Variants in ULK4 observed in about 807,000 individuals in gnomAD.
ULK4 encodes unc-51 like kinase 4, also known as inactive serine/threonine-protein kinase ULK4.
ULK4 carries 133 observed loss-of-function variants against 160.6 expected under a neutral mutation model. The ratio of observed to expected loss-of-function variants is 0.83; its 90% CI spans 0.72 to 0.96. The LOEUF is 0.96. ULK4 is among the 40% of genes least tolerant of loss of function. ULK4 has a pLI of 0.00. For missense variants in ULK4, 1,580 were observed against 1,499.5 expected (o/e 1.05, Z -0.89); for synonymous variants, 534 against 539.8 (o/e 0.99, Z 0.15).
intron 32 of ULK4, among the ~76,000 whole-genome samples, chr3:41,542,481 CT>C (rs1559380435): frequency 6.6e-6 from 1 of 151,980 alleles, no homozygotes; most frequent in Non-Finnish European, 1.5e-5. Flanking sequence ...CTGAAATTTT[CT>C]TTTTTTGTTT....
intron 17 of ULK4, among the ~76,000 whole-genome samples, chr3:41,879,592 G>C (rs1285575322): frequency 1.3e-5 from 2 of 151,922 alleles, no homozygotes; most frequent in Non-Finnish European, 2.9e-5. Context: ...ACCTCCCAGG[G>C]TCATGTCTCA....
At chr3:41,463,281 ACCT>A (rs2083739739) in intron 32 of ULK4, 28 bp from the exon 33 acceptor site, 1 of 1,601,558 alleles carries the variant, frequency 6.2e-7, no homozygotes, top group South Asian at 1.1e-5. Flanking sequence ...AAAGAAAAAA[ACCT>A]CATCATTAAG....
At chr3:41,699,839 CCAGT>C (rs1452701513) in intron 27 of ULK4, among the ~76,000 whole-genome samples, 2 of 152,070 alleles carry the variant, frequency 1.3e-5, no homozygotes, top group Admixed American at 1.3e-4. Flanking sequence ...TTTTATGAAG[CCAGT>C]AAGTTGCAAT....
At chr3:41,335,808 TAA>T (rs1228865120) in intron 35 of ULK4, among the ~76,000 whole-genome samples, 3 of 152,162 alleles carry the variant, frequency 2.0e-5, no homozygotes, top group Non-Finnish European at 1.5e-5. Flanking sequence ...TTTAGATATT[TAA>T]AAGAGTCCAT....
chr3:41,491,944 A>C (rs1310413513), intron 32 of ULK4, among the ~76,000 whole-genome samples: 1 of 138,854 alleles, frequency 7.2e-6, no homozygotes, highest in Non-Finnish European at 1.5e-5. Context: ...ATGTGTTCTC[A>C]TTGTTCAATT....
At chr3:41,557,825 A>G (rs2087357838) in intron 32 of ULK4, among the ~76,000 whole-genome samples, 1 of 152,054 alleles carries the variant, frequency 6.6e-6, no homozygotes, top group African/African-American at 2.4e-5. Context: ...TAATGGTGGA[A>G]AAGTCCTCAT....
intron 35 of ULK4, among the ~76,000 whole-genome samples, chr3:41,297,694 A>T (rs867191909): frequency 4.6e-5 from 7 of 152,176 alleles, no homozygotes; most frequent in Admixed American, 2.6e-4. Flanking sequence ...AATGAATACA[A>T]CTAGCTGATT....
In ULK4 at chr3:41,826,668, A is replaced by G. The variant is rs528284229; in HGVS notation, c.1765-7162T>C. Among the ~76,000 whole-genome samples the G allele has an allele frequency of 4.7e-5, 7 of 149,772 alleles. 1 individual carries two copies. The South Asian group carries it at 1.1e-3, about 23-fold the overall frequency. On this transcript the variant is annotated intron_variant, in intron 18 of 36. Transcript: ENST00000301831. ...ACCCAGATTCATAAAGCAAGTCCTT[A>G]GAGACCTACAAAGAGACTTAGACTC... is the stretch of plus-strand genomic sequence containing the variant.
intron 17 of ULK4, among the ~76,000 whole-genome samples, chr3:41,842,147 AAAAAAAG>A (rs2041943983): frequency 6.6e-6 from 1 of 151,348 alleles, no homozygotes; most frequent in Non-Finnish European, 1.5e-5. Flanking sequence ...TACAAAAAAA[AAAAAAAG>A]AAAATAACGC....
At chr3:41,623,736 G>A (rs996524267) in intron 30 of ULK4, among the ~76,000 whole-genome samples, 1 of 152,116 alleles carries the variant, frequency 6.6e-6, no homozygotes, top group African/African-American at 2.4e-5. Context: ...ATAAATCAAA[G>A]GGTATAAAGT....
chr3:41,554,032 T>A (rs899567961), intron 32 of ULK4, among the ~76,000 whole-genome samples: 2 of 152,194 alleles, frequency 1.3e-5, no homozygotes, highest in African/African-American at 4.8e-5. Flanking sequence ...TCTATCTCCA[T>A]AAGTTCAATT....
At chr3:41,422,758 A>C (rs943082423) in intron 34 of ULK4, among the ~76,000 whole-genome samples, 2 of 152,188 alleles carry the variant, frequency 1.3e-5, no homozygotes, top group Non-Finnish European at 2.9e-5. Flanking sequence ...AACTGTTAGA[A>C]TCTTTTGAGA....
chr3:41,844,179 C>T (rs1458301459), intron 17 of ULK4, among the ~76,000 whole-genome samples: 1 of 152,182 alleles, frequency 6.6e-6, no homozygotes, highest in African/African-American at 2.4e-5. Context: ...CACTCCTCAG[C>T]CCTTGGGTGG....
At chr3:41,832,720 G>A (rs1166078072) in intron 18 of ULK4, among the ~76,000 whole-genome samples, 1 of 152,140 alleles carries the variant, frequency 6.6e-6, no homozygotes. Context: ...TTTTGTATAA[G>A]GTGCAAGGAA....
intron 31 of ULK4, among the ~76,000 whole-genome samples, chr3:41,611,131 C>T (rs2032654662): frequency 6.6e-6 from 1 of 152,182 alleles, no homozygotes; most frequent in Non-Finnish European, 1.5e-5. Context: ...TTCAGGAACC[C>T]GCATTTATTA....
intron 32 of ULK4, among the ~76,000 whole-genome samples, chr3:41,500,326 A>G (rs2085153877): frequency 6.6e-6 from 1 of 150,820 alleles, no homozygotes; most frequent in Non-Finnish European, 1.5e-5. Context: ...CTGGTTCTCA[A>G]CAGTTGAAAA....
chr3:41,249,615 G>A (rs560298580), intron 35 of ULK4, 41 bp from the exon 36 acceptor site: 31 of 1,589,520 alleles, frequency 2.0e-5, no homozygotes, highest in African/African-American at 4.0e-5. Flanking sequence ...CAGCTGACCC[G>A]TCCCTGACTC....
chr3:41,773,204 T>C (rs964703255), intron 21 of ULK4, among the ~76,000 whole-genome samples: 2 of 152,116 alleles, frequency 1.3e-5, no homozygotes, highest in Non-Finnish European at 2.9e-5. Context: ...CAACATAGTG[T>C]TGGAAGTTCT....
intron 32 of ULK4, among the ~76,000 whole-genome samples, chr3:41,511,638 G>A (rs1333890944): frequency 6.6e-6 from 1 of 151,370 alleles, no homozygotes; most frequent in African/African-American, 2.5e-5. Flanking sequence ...AGATTGAAAT[G>A]GTAATTTAAA....
Sources: gnomAD v4.1 joint callset for allele counts (sites outside exome capture counted in the v4.1 genomes callset) on GRCh38, gnomAD v4.1.1 for gene constraint, MANE v1.5 for transcripts, NCBI Gene and HGNC (gene_info 2026-07-23, HGNC 2026-07-21) for gene names.